PRKD1: variants seen among roughly 807,000 people sequenced by gnomAD.
The protein encoded by PRKD1 is serine/threonine-protein kinase D1.
In PRKD1, 63 loss-of-function variants were observed where a neutral mutation model predicts 95.9. The ratio of observed to expected loss-of-function variants is 0.66; its 90% CI spans 0.54 to 0.81. The LOEUF (loss-of-function observed/expected upper bound fraction) is 0.81. PRKD1 is among the 30% of genes least tolerant of loss of function. PRKD1 has a pLI of 0.00. For missense variants in PRKD1, 1,048 were observed against 1,165.3 expected, an observed-to-expected ratio of 0.90 and a Z score of 1.47; for synonymous variants, 425 against 423.1, an observed-to-expected ratio of 1.00 and a Z score of -0.05.
chr14:29,592,102 C>A (rs1893150062), intron 16 of PRKD1, among the ~76,000 whole-genome samples: 1 of 151,992 alleles, frequency 6.6e-6, no homozygotes, highest in Non-Finnish European at 1.5e-5. Flanking sequence ...AATGTGTTGA[C>A]CTTTAAGCCT....
chr14:29,626,434 TA>T, intron 12 of PRKD1, 49 bp downstream of exon 12: 1 of 1,449,068 alleles, frequency 6.9e-7, no homozygotes, highest in Non-Finnish European at 9.7e-7. Flanking sequence ...TTTTAAAATA[TA>T]ACTAGCAAAA....
At chr14:29,815,400 T>C (rs1352774846) in intron 1 of PRKD1, among the ~76,000 whole-genome samples, 2 of 152,214 alleles carry the variant, frequency 1.3e-5, no homozygotes, top group Non-Finnish European at 1.5e-5. Flanking sequence ...TAGAGGGAAA[T>C]TGTTGAGAGC....
At chr14:29,611,075 GTAATTACACATT>G (rs1328044680) in intron 13 of PRKD1, among the ~76,000 whole-genome samples, 1 of 152,228 alleles carries the variant, frequency 6.6e-6, no homozygotes, top group Non-Finnish European at 1.5e-5. Context: ...ATGGATACAT[GTAATTACACATT>G]TGTCCAAACC....
chr14:29,873,117 G>A (rs180725871), intron 1 of PRKD1, among the ~76,000 whole-genome samples: 68 of 151,840 alleles, frequency 4.5e-4, no homozygotes, highest in African/African-American at 1.6e-3. Context: ...ATGGAGTCTC[G>A]CTCTATCACC....
intron 16 of PRKD1, among the ~76,000 whole-genome samples, chr14:29,592,394 C>T (rs1893162153): frequency 6.6e-6 from 1 of 152,006 alleles, no homozygotes; most frequent in African/African-American, 2.4e-5. Flanking sequence ...GTTATGTATG[C>T]ATAACTATAT....
intron 4 of PRKD1, among the ~76,000 whole-genome samples, chr14:29,641,986 C>T (rs747474486): frequency 6.6e-6 from 1 of 150,918 alleles, no homozygotes; most frequent in Non-Finnish European, 1.5e-5. Context: ...TCACTGCAGC[C>T]GCTGCCTCCC....
chr14:29,702,808 T>C (rs1477794264), intron 2 of PRKD1, among the ~76,000 whole-genome samples: 3 of 152,200 alleles, frequency 2.0e-5, no homozygotes, highest in African/African-American at 2.4e-5. Flanking sequence ...ATTGATTTTC[T>C]TCCTGAGACC....
At chr14:29,661,152 C>T (rs1244040287) in intron 4 of PRKD1, among the ~76,000 whole-genome samples, 4 of 152,080 alleles carry the variant, frequency 2.6e-5, no homozygotes, top group Non-Finnish European at 5.9e-5. Context: ...TTACCAATGT[C>T]GTAATCTGTA....
chr14:29,636,906 T>C (rs905708045), intron 6 of PRKD1, among the ~76,000 whole-genome samples: 2 of 152,230 alleles, frequency 1.3e-5, no homozygotes, highest in Admixed American at 6.5e-5. Flanking sequence ...TTGCTAAAGA[T>C]AATGGCCTCC....
chr14:29,896,030 G>C (rs1468109710), intron 1 of PRKD1, among the ~76,000 whole-genome samples: 1 of 152,078 alleles, frequency 6.6e-6, no homozygotes, highest in Non-Finnish European at 1.5e-5. Context: ...TGTCTGTTTT[G>C]TTTACAGATA....
chr14:29,633,800 A>C (rs1221521691), intron 8 of PRKD1, among the ~76,000 whole-genome samples: 1 of 152,170 alleles, frequency 6.6e-6, no homozygotes, highest in African/African-American at 2.4e-5. Flanking sequence ...TAGATAGATC[A>C]ATTAGGTTAT....
chr14:29,832,678 T>C (rs981206251), intron 1 of PRKD1, among the ~76,000 whole-genome samples: 1 of 152,158 alleles, frequency 6.6e-6, no homozygotes, highest in African/African-American at 2.4e-5. Flanking sequence ...AGTTCCTTTT[T>C]TGCATTGAGC....
intron 6 of PRKD1, 92 bp from the exon 7 acceptor site, chr14:29,636,586 G>A (rs189875318): frequency 4.6e-5 from 60 of 1,299,180 alleles, no homozygotes; most frequent in Admixed American, 1.9e-4. Context: ...AAATCAATTG[G>A]AAGCCCCAAA....
intron 2 of PRKD1, among the ~76,000 whole-genome samples, chr14:29,691,882 T>A (rs1041079189): frequency 6.6e-6 from 1 of 152,098 alleles, no homozygotes; most frequent in African/African-American, 2.4e-5. Flanking sequence ...ATGGTCTAAG[T>A]TGGAATACAA....
intron 1 of PRKD1, 127 bp from the exon 2 acceptor site, chr14:29,725,801 T>C (rs746136932): frequency 4.3e-4 from 385 of 895,752 alleles, no homozygotes; most frequent in Non-Finnish European, 5.6e-4. Context: ...TAAAATATTT[T>C]AAAATTAAAA....
chr14:29,603,825 A>G (rs1031658390), intron 13 of PRKD1, among the ~76,000 whole-genome samples: 1 of 152,218 alleles, frequency 6.6e-6, no homozygotes, highest in Non-Finnish European at 1.5e-5. Context: ...AGAGCAAGCT[A>G]CTACAGGACT....
At chr14:29,851,640 C>A (rs887762523) in intron 1 of PRKD1, among the ~76,000 whole-genome samples, 1 of 152,100 alleles carries the variant, frequency 6.6e-6, no homozygotes, top group African/African-American at 2.4e-5. Context: ...GGTAGGAAAG[C>A]AAACTAGTTC....
chr14:29,748,693 C>A (rs1887342210), intron 1 of PRKD1, among the ~76,000 whole-genome samples: 1 of 152,148 alleles, frequency 6.6e-6, no homozygotes, highest in African/African-American at 2.4e-5. Flanking sequence ...GCACCTAGGA[C>A]ATGCCAAGCA....
At chr14:29,704,098 CAA>C (rs769528191) in intron 2 of PRKD1, among the ~76,000 whole-genome samples, 4 of 152,020 alleles carry the variant, frequency 2.6e-5, no homozygotes, top group Non-Finnish European at 4.4e-5. Flanking sequence ...AACCATTCGA[CAA>C]AGAGTTTTTG....
Sources: gnomAD v4.1 joint callset for allele counts (sites outside exome capture counted in the v4.1 genomes callset) on GRCh38, gnomAD v4.1.1 for gene constraint, MANE v1.5 for transcripts, NCBI Gene and HGNC (gene_info 2026-07-23, HGNC 2026-07-21) for gene names.